SETD3: variants seen among roughly 807,000 people sequenced by gnomAD.
SETD3 encodes SET domain containing 3, actin N3(tau)-histidine methyltransferase, also known as actin-histidine N-methyltransferase.
Under a neutral mutation model 63.0 loss-of-function variants are expected in SETD3, and 19 were observed. The observed-to-expected ratio is 0.30, with a 90% CI of 0.21 to 0.44. SETD3 has a LOEUF of 0.44. Ranked by LOEUF, SETD3 falls within the 20% of genes least tolerant of loss-of-function variation. SETD3 has a pLI of 1.00. For synonymous variants in SETD3, 286 were observed against 264.1 expected, an observed-to-expected ratio of 1.08 and a Z score of -0.80; for missense variants, 587 against 728.5, an observed-to-expected ratio of 0.81 and a Z score of 2.24.
At chr14:99,442,042 T>G (rs1893849709) in intron 6 of SETD3, among the ~76,000 whole-genome samples, 1 of 152,126 alleles carries the variant, frequency 6.6e-6, no homozygotes, top group Non-Finnish European at 1.5e-5. Flanking sequence ...TGACCTCTGG[T>G]GCGCAGACGC....
At chr14:99,449,658 G>C (rs1304930651) in intron 6 of SETD3, among the ~76,000 whole-genome samples, 1 of 152,136 alleles carries the variant, frequency 6.6e-6, no homozygotes, top group Non-Finnish European at 1.5e-5. Flanking sequence ...ATGCAATACG[G>C]GATTCTGGAA....
chr14:99,409,359 G>C (rs1337603523), intron 8 of SETD3, among the ~76,000 whole-genome samples: 1 of 152,150 alleles, frequency 6.6e-6, no homozygotes, highest in Non-Finnish European at 1.5e-5. Flanking sequence ...AGCCCCACAG[G>C]AGTCTCAAGT....
intron 6 of SETD3, among the ~76,000 whole-genome samples, chr14:99,436,448 G>A (rs1893488230): frequency 6.6e-6 from 1 of 152,136 alleles, no homozygotes; most frequent in African/African-American, 2.4e-5. Context: ...GCCTGGACAT[G>A]GCCACCAGCA....
intron 6 of SETD3, among the ~76,000 whole-genome samples, chr14:99,437,610 C>T (rs904314049): frequency 3.3e-5 from 5 of 152,192 alleles, no homozygotes; most frequent in Admixed American, 3.3e-4. Flanking sequence ...AGAAAAGGCA[C>T]TAGATCAGTG....
At chr14:99,454,979 G>T (rs1258795646) in intron 6 of SETD3, among the ~76,000 whole-genome samples, 2 of 152,230 alleles carry the variant, frequency 1.3e-5, no homozygotes, top group Admixed American at 6.5e-5. Flanking sequence ...GAAAAAACAG[G>T]TCTTCATATT....
At chr14:99,474,381 T>C (rs1895860789) in intron 1 of SETD3, among the ~76,000 whole-genome samples, 1 of 152,066 alleles carries the variant, frequency 6.6e-6, no homozygotes, top group African/African-American at 2.4e-5. Context: ...AATTCAAAAG[T>C]ACCAAGAAGT....
At chr14:99,413,502 CTTT>C (rs35866459) in intron 7 of SETD3, among the ~76,000 whole-genome samples, 10 of 152,302 alleles carry the variant, frequency 6.6e-5, no homozygotes, top group Non-Finnish European at 1.3e-4. Context: ...TAAAATGTGA[CTTT>C]TTTATTACAC....
rs556503958 is a variant in SETD3 at position 99,479,357 on chromosome 14, C to G, written c.-9+1371G>C. On this transcript the variant is annotated intron_variant, in intron 1 of 12. Coordinates refer to ENST00000331768, the MANE Select transcript of SETD3 (RefSeq NM_032233.3). ...AATTTCACCAAAGTATCAATCACGG[C>G]AGCCCTTGGGACTAATCCAGTACTG... is the stretch of plus-strand genomic sequence containing the variant. Among the ~76,000 whole-genome samples, 87 of 152,360 alleles carry G rather than the reference C, an allele frequency of 5.7e-4. 1 individual carries two copies. Among genetic ancestry groups the G allele is most frequent in the African/African-American group, 2.0e-3 (83 of 41,586 alleles).
At chr14:99,438,218 CAT>C (rs1200119530) in intron 6 of SETD3, among the ~76,000 whole-genome samples, 9 of 152,330 alleles carry the variant, frequency 5.9e-5, no homozygotes, top group Non-Finnish European at 8.8e-5. Flanking sequence ...GACATGCTAC[CAT>C]GTGTGTGTCA....
Position 99,405,262 on chromosome 14 carries a change from T to C in SETD3, c.1034A>G (p.Lys345Arg). The change falls in exon 10 of 13, where the codon AAA becomes AGA. Residue 345 changes from lysine to arginine, a missense_variant. Physicochemically the swap from Lys to Arg is conservative, Grantham distance 26 (BLOSUM62 2). Coordinates refer to ENST00000331768, the MANE Select transcript of SETD3 (RefSeq NM_032233.3). ...DRVKIKLGVS[K>R]SDRLYAMKAE... ...CTTCATGGCGTAGAGTCTGTCACTT[T>C]TACTCACTCCAAGCTTTATTTTCAC... 3 of 1,614,196 alleles carry C rather than the reference T, an allele frequency of 1.9e-6. No individual in the cohort carries two copies. The highest frequency in any genetic ancestry group is 2.7e-5 in the African/African-American group (2 of 75,058).
At chr14:99,429,676 TG>T (rs1893067800) in intron 6 of SETD3, among the ~76,000 whole-genome samples, 1 of 152,216 alleles carries the variant, frequency 6.6e-6, no homozygotes, top group Non-Finnish European at 1.5e-5. Flanking sequence ...CCAAGTTCTT[TG>T]AAACATGTGC....
rs1311097157 is a variant in SETD3, at chr14:99,465,826, GAAAGA to G, written c.-8-18_-8-14del. 1 of 1,573,466 alleles carries G rather than the reference GAAAGA, an allele frequency of 6.4e-7. No homozygotes were observed. The highest frequency in any genetic ancestry group is 1.4e-5 in the African/African-American group (1 of 73,662). On this transcript the variant is annotated splice_polypyrimidine_tract_variant and intron_variant, in intron 1 of 12. Coordinates refer to ENST00000331768, the MANE Select transcript of SETD3 (RefSeq NM_032233.3). ...CCCATTTTTCTGACTACAGAGAAGA[GAAAGA>G]AAAGAGAAAAAAATTACATTACCAA...
chr14:99,424,371 G>A (rs954817913), intron 6 of SETD3, among the ~76,000 whole-genome samples: 4 of 152,316 alleles, frequency 2.6e-5, no homozygotes, highest in African/African-American at 9.6e-5. Context: ...AGGATGAGGG[G>A]ACTGGGCAGG....
intron 6 of SETD3, among the ~76,000 whole-genome samples, chr14:99,434,879 A>G (rs1893392433): frequency 6.8e-6 from 1 of 146,600 alleles, no homozygotes; most frequent in Non-Finnish European, 1.5e-5. Context: ...AAAAAAAACA[A>G]CCTACATTTA....
intron 6 of SETD3, among the ~76,000 whole-genome samples, chr14:99,451,964 T>C (rs1377196118): frequency 2.0e-5 from 3 of 152,216 alleles, no homozygotes; most frequent in South Asian, 4.1e-4. Context: ...TGACATACAC[T>C]GTATGTAGCA....
At chr14:99,401,961 G>T (rs1352081513) in intron 11 of SETD3, among the ~76,000 whole-genome samples, 1 of 151,848 alleles carries the variant, frequency 6.6e-6, no homozygotes, top group South Asian at 2.1e-4. Flanking sequence ...GTAGCATGTG[G>T]CCTGCCTGCA....
At chr14:99,457,466 C>CA (rs1450370424) in intron 6 of SETD3, among the ~76,000 whole-genome samples, 2 of 152,186 alleles carry the variant, frequency 1.3e-5, no homozygotes, top group Non-Finnish European at 2.9e-5. Context: ...TAAAACATAG[C>CA]AAGGATAGAC....
chr14:99,477,517 G>T (rs1896033865), intron 1 of SETD3, among the ~76,000 whole-genome samples: 1 of 152,100 alleles, frequency 6.6e-6, no homozygotes, highest in Non-Finnish European at 1.5e-5. Context: ...CACTTTGGGA[G>T]GCTGAGGTGG....
intron 8 of SETD3, among the ~76,000 whole-genome samples, chr14:99,407,403 G>A (rs1277179402): frequency 6.6e-6 from 1 of 152,118 alleles, no homozygotes; most frequent in East Asian, 1.9e-4. Flanking sequence ...TCATTCCTCT[G>A]CATGGCTATA....
Sources: gnomAD v4.1 joint callset for allele counts (sites outside exome capture counted in the v4.1 genomes callset) on GRCh38, gnomAD v4.1.1 for gene constraint, MANE v1.5 for transcripts, NCBI Gene and HGNC (gene_info 2026-07-23, HGNC 2026-07-21) for gene names.